Variants in FAM193A observed in about 807,000 individuals in gnomAD.
FAM193A encodes family with sequence similarity 193 member A, also known as protein FAM193A.
Under a neutral mutation model 126.5 loss-of-function variants are expected in FAM193A, and 22 were observed. The observed-to-expected ratio is 0.17, with a 90% CI of 0.12 to 0.25. The LOEUF is 0.25. FAM193A is among the 10% of genes least tolerant of loss of function. The pLI, the probability that FAM193A is intolerant of heterozygous loss-of-function variation, is 1.00. For missense variants in FAM193A, 1,675 were observed against 1,672.8 expected, an observed-to-expected ratio of 1.00 and a Z score of -0.02; for synonymous variants, 761 against 646.8, an observed-to-expected ratio of 1.18 and a Z score of -2.68.
At chr4:2,666,089 A>G (rs1343449763) in intron 12 of FAM193A, among the ~76,000 whole-genome samples, 1 of 152,148 alleles carries the variant, frequency 6.6e-6, no homozygotes, top group Non-Finnish European at 1.5e-5. Flanking sequence ...AAAGCATTTA[A>G]TCTTTGACCA....
chr4:2,574,810 T>C (rs1343673080), intron 1 of FAM193A, among the ~76,000 whole-genome samples: 1 of 152,194 alleles, frequency 6.6e-6, no homozygotes, highest in Non-Finnish European at 1.5e-5. Flanking sequence ...AATTTTATCT[T>C]TTTAGTGTTT....
At position 2,646,729 on chromosome 4, in the gene FAM193A, G is replaced by C; in HGVS notation, c.1208G>C (p.Ser403Thr). 6.2e-7 allele frequency: 1 copy of C among 1,614,062 alleles called. No homozygotes were observed. The highest frequency in any genetic ancestry group is 8.5e-7 in the Non-Finnish European group (1 of 1,179,954). ...THDTCSEDTY[S>T]TLLQRYQRSE... ...GACACCTGCAGTGAGGACACATACA[G>C]TACCTTGCTGCAGAGGTACCAGCGT... The change falls in exon 7 of 21, where the codon AGT becomes ACT. Residue 403 changes from serine to threonine, a missense_variant. Ser to Thr is a moderately conservative substitution (Grantham distance 58). Around this residue, in one of 4 missense-constraint regions of FAM193A, gnomAD observed 1,186 missense variants for 1,109.2 expected, o/e 1.07. Transcript: ENST00000637812.
intron 13 of FAM193A, among the ~76,000 whole-genome samples, chr4:2,675,973 C>G (rs1247057500): frequency 2.6e-5 from 4 of 152,240 alleles, no homozygotes; most frequent in Non-Finnish European, 5.9e-5. Flanking sequence ...GAATCTCCTT[C>G]CTTTTTAAGG....
intron 19 of FAM193A, among the ~76,000 whole-genome samples, chr4:2,714,549 C>A (rs902186847): frequency 6.6e-5 from 10 of 152,122 alleles, no homozygotes; most frequent in Non-Finnish European, 1.2e-4. Context: ...CTCCACCCCG[C>A]TGTGTGCCCT....
chr4:2,662,418 T>C (rs1577160099), intron 10 of FAM193A, among the ~76,000 whole-genome samples: 1 of 152,202 alleles, frequency 6.6e-6, no homozygotes, highest in East Asian at 1.9e-4. Context: ...ACAGCTAAGG[T>C]TTAAAAAGCA....
chr4:2,558,499 A>G (rs1738409272), intron 1 of FAM193A, among the ~76,000 whole-genome samples: 1 of 152,148 alleles, frequency 6.6e-6, no homozygotes, highest in Non-Finnish European at 1.5e-5. Flanking sequence ...CTCCCACGTC[A>G]GGCTTTCAAG....
At chr4:2,711,589 C>T (rs966002853) in intron 19 of FAM193A, among the ~76,000 whole-genome samples, 5 of 151,772 alleles carry the variant, frequency 3.3e-5, no homozygotes, top group African/African-American at 1.2e-4. Context: ...ATCCACCCGC[C>T]TCTGCCTCCC....
intron 4 of FAM193A, among the ~76,000 whole-genome samples, chr4:2,628,763 A>G (rs1743231732): frequency 6.6e-6 from 1 of 152,176 alleles, no homozygotes; most frequent in Non-Finnish European, 1.5e-5. Context: ...AGTAGCAGCC[A>G]GTGTGTAGTT....
intron 20 of FAM193A, among the ~76,000 whole-genome samples, chr4:2,717,399 G>C (rs1276698535): frequency 2.0e-5 from 3 of 151,962 alleles, no homozygotes; most frequent in Non-Finnish European, 1.5e-5. Flanking sequence ...AGTTCGAGAC[G>C]AGCCTGGCCA....
At chr4:2,605,082 T>G (rs778856077) in intron 2 of FAM193A, among the ~76,000 whole-genome samples, 7 of 151,978 alleles carry the variant, frequency 4.6e-5, no homozygotes, top group Non-Finnish European at 7.4e-5. Flanking sequence ...GTGCTGGCAT[T>G]ACAGGTGTGA....
intron 2 of FAM193A, among the ~76,000 whole-genome samples, chr4:2,618,219 T>A (rs1488503976): frequency 2.6e-5 from 4 of 152,204 alleles, no homozygotes; most frequent in African/African-American, 9.7e-5. Context: ...CAGCGTGCTT[T>A]GCTTTGTGTT....
At chr4:2,701,825 G>C (rs1191155209) in intron 19 of FAM193A, among the ~76,000 whole-genome samples, 2 of 149,502 alleles carry the variant, frequency 1.3e-5, no homozygotes, top group Admixed American at 6.7e-5. Flanking sequence ...TGTCCAGGCT[G>C]GAGTGCAGTG....
intron 20 of FAM193A, among the ~76,000 whole-genome samples, chr4:2,718,114 A>AT (rs1719741036): frequency 6.6e-6 from 1 of 152,210 alleles, no homozygotes; most frequent in African/African-American, 2.4e-5. Flanking sequence ...TGAGTTAAAG[A>AT]TTTCACTTGA....
At chr4:2,716,496 C>T (rs1031420044) in intron 20 of FAM193A, among the ~76,000 whole-genome samples, 10 of 152,182 alleles carry the variant, frequency 6.6e-5, no homozygotes, top group African/African-American at 1.9e-4. Context: ...CCGGCATCTA[C>T]GTTCTTGACA....
chr4:2,673,112 T>C (rs1190926431), intron 13 of FAM193A, among the ~76,000 whole-genome samples: 1 of 152,256 alleles, frequency 6.6e-6, no homozygotes, highest in Non-Finnish European at 1.5e-5. Context: ...TCTCTAGTTA[T>C]TTTGAGCTTA....
At chr4:2,540,286 A>G (rs1402273832) in intron 1 of FAM193A, among the ~76,000 whole-genome samples, 4 of 151,534 alleles carry the variant, frequency 2.6e-5, no homozygotes, top group South Asian at 2.1e-4. Flanking sequence ...TGGCTAACAC[A>G]GTGAAACCCG....
At chr4:2,646,543 C>A in intron 6 of FAM193A, 142 bp from the exon 7 acceptor site, 1 of 802,382 alleles carries the variant, frequency 1.2e-6, no homozygotes, top group Non-Finnish European at 2.0e-6. Context: ...CAGCTCCCTG[C>A]TGTGGTGCAG....
chr4:2,597,717 C>CCAG (rs1740947348), intron 2 of FAM193A, among the ~76,000 whole-genome samples: 2 of 152,132 alleles, frequency 1.3e-5, no homozygotes, highest in Non-Finnish European at 2.9e-5. Flanking sequence ...TGTAGGTCAG[C>CCAG]CTCTTTGTTG....
chr4:2,608,132 G>T, intron 2 of FAM193A: 1 of 1,596,170 alleles, frequency 6.3e-7, no homozygotes. Flanking sequence ...CTTGTAGATT[G>T]ATCTTAACCT....
Sources: gnomAD v4.1 joint callset for allele counts (sites outside exome capture counted in the v4.1 genomes callset) on GRCh38, gnomAD v4.1.1 for gene constraint, gnomAD v4.1.1 regional missense constraint, MANE v1.5 for transcripts, NCBI Gene and HGNC (gene_info 2026-07-23, HGNC 2026-07-21) for gene names.